Variants in CDH18 observed in about 807,000 individuals in gnomAD.
The protein encoded by CDH18 is cadherin-18.
CDH18 carries 31 observed loss-of-function variants against 67.9 expected under a neutral mutation model. The ratio of observed to expected loss-of-function variants is 0.46; its 90% CI spans 0.34 to 0.62. CDH18 has a LOEUF of 0.62. Among genes scored for constraint, CDH18 ranks in the 20% least tolerant of loss-of-function variants. The pLI, the probability that CDH18 is intolerant of heterozygous loss-of-function variation, is 0.01. For synonymous variants in CDH18, 362 were observed against 347.2 expected (o/e 1.04, Z -0.48); for missense variants, 890 against 975.5 (o/e 0.91, Z 1.17).
intron 1 of CDH18, among the ~76,000 whole-genome samples, chr5:20,369,892 G>A (rs1054076489): frequency 2.0e-5 from 3 of 151,984 alleles, no homozygotes; most frequent in Non-Finnish European, 4.4e-5. Context: ...AAGTTCTGGG[G>A]TACACGTGTA....
intron 2 of CDH18, among the ~76,000 whole-genome samples, chr5:20,204,082 C>G (rs1605665): frequency 2.6e-5 from 4 of 151,856 alleles, no homozygotes; most frequent in African/African-American, 7.3e-5. Flanking sequence ...AAGAAAGAAA[C>G]AAATAATCAT....
chr5:19,680,281 A>G (rs1760102503), intron 5 of CDH18, among the ~76,000 whole-genome samples: 1 of 152,110 alleles, frequency 6.6e-6, no homozygotes, highest in Non-Finnish European at 1.5e-5. Flanking sequence ...TCAACTCAAG[A>G]TGAATTAAAT....
rs145667079 is a variant in CDH18 at position 19,745,385 on chromosome 5, C to T, written c.523+1557G>A. ...TAATGCCTGCTCTGCCTGTTTTTCTCTCTAGTGCTTTAACCCCTGTGGTTA... is the reference window on the plus strand; with the variant it reads ...TAATGCCTGCTCTGCCTGTTTTTCTTTCTAGTGCTTTAACCCCTGTGGTTA... On this transcript the variant is annotated intron_variant, in intron 4 of 12. Coordinates refer to ENST00000382275, the MANE Select transcript of CDH18 (RefSeq NM_004934.5). Among the ~76,000 whole-genome samples the T allele has an allele frequency of 1.4e-3, 213 of 152,268 alleles. 1 individual carries two copies. Among genetic ancestry groups the T allele is most frequent in the African/African-American group, 4.9e-3 (203 of 41,560 alleles).
intron 9 of CDH18, among the ~76,000 whole-genome samples, chr5:19,538,071 A>G (rs547476476): frequency 1.3e-5 from 2 of 152,218 alleles, no homozygotes; most frequent in Non-Finnish European, 2.9e-5. Flanking sequence ...AGTTCCTAAC[A>G]AAGAGTTGGA....
rs556131803 is a variant in CDH18, at chr5:20,475,553, A to G, written c.-580+99909T>C. ...ACTGATTAGCTTTGACATATAGGAAAGCCATTGATTTTGCAGGGTATGTAT... is the reference window on the plus strand; with the variant it reads ...ACTGATTAGCTTTGACATATAGGAAGGCCATTGATTTTGCAGGGTATGTAT... On this transcript the variant is annotated intron_variant, in intron 1 of 14. Transcript: ENST00000507958. 2.2e-4 allele frequency among the ~76,000 whole-genome samples: 34 copies of G among 152,314 alleles called. 1 individual carries two copies. In the South Asian group the frequency reaches 4.8e-3, roughly 21 times the overall value.
intron 2 of CDH18, among the ~76,000 whole-genome samples, chr5:19,902,429 T>C (rs530982998): frequency 6.6e-6 from 1 of 152,240 alleles, no homozygotes; most frequent in South Asian, 2.1e-4. Context: ...CCAGCTGCCC[T>C]TGTGGAAGTG....
intron 2 of CDH18, among the ~76,000 whole-genome samples, chr5:20,014,284 T>C (rs1219038623): frequency 1.3e-5 from 2 of 152,152 alleles, no homozygotes; most frequent in Non-Finnish European, 2.9e-5. Flanking sequence ...AACAGTCTGC[T>C]GGGCAAGAAA....
intron 2 of CDH18, among the ~76,000 whole-genome samples, chr5:19,918,739 T>C (rs1792105209): frequency 6.6e-6 from 1 of 152,136 alleles, no homozygotes; most frequent in Non-Finnish European, 1.5e-5. Flanking sequence ...AGTTGTGATA[T>C]TTTGATATAA....
At chr5:20,146,893 T>G (rs1580345759) in intron 2 of CDH18, among the ~76,000 whole-genome samples, 1 of 152,024 alleles carries the variant, frequency 6.6e-6, no homozygotes, top group African/African-American at 2.4e-5. Flanking sequence ...TTTCTACATC[T>G]TAGGCATTAT....
intron 1 of CDH18, among the ~76,000 whole-genome samples, chr5:20,319,569 A>G (rs897982243): frequency 1.3e-5 from 2 of 152,132 alleles, no homozygotes; most frequent in African/African-American, 4.8e-5. Context: ...TTTGTTTCAG[A>G]TAAATTGCAT....
intron 1 of CDH18, among the ~76,000 whole-genome samples, chr5:20,568,938 G>C (rs559535461): frequency 3.0e-4 from 46 of 152,254 alleles, no homozygotes; most frequent in Non-Finnish European, 6.0e-4. Flanking sequence ...TCCTTAAAGA[G>C]CTTTCTCTCA....
chr5:19,703,383 C>A (rs1763519733), intron 5 of CDH18, among the ~76,000 whole-genome samples: 1 of 152,098 alleles, frequency 6.6e-6, no homozygotes, highest in Non-Finnish European at 1.5e-5. Context: ...ACTTTGGAAC[C>A]TTTTCACAAT....
rs1000449173 is a variant in CDH18 at position 19,546,906 on chromosome 5, A to G, written c.1254-2901T>C. The stretch of plus-strand genomic sequence containing the variant: ...CTGACCATTGTACATTAAATTTTCT[A>G]ATAATAAGTATATGTTAATTGAAAA... On this transcript the variant is annotated intron_variant, in intron 8 of 12. Transcript: ENST00000382275. Among the ~76,000 whole-genome samples the G allele has an allele frequency of 2.6e-5, 4 of 152,198 alleles. No homozygotes were observed. The South Asian group carries it at 8.3e-4, about 31-fold the overall frequency.
chr5:19,724,589 G>A (rs755407301), intron 4 of CDH18, among the ~76,000 whole-genome samples: 52 of 151,500 alleles, frequency 3.4e-4, no homozygotes, highest in South Asian at 1.5e-3. Flanking sequence ...TCAGTAGCTC[G>A]TACCATTTCA....
intron 2 of CDH18, among the ~76,000 whole-genome samples, chr5:20,227,110 C>A (rs867694393): frequency 3.3e-5 from 5 of 152,216 alleles, no homozygotes; most frequent in Admixed American, 2.6e-4. Context: ...CTACCATTGC[C>A]AGTAACATCA....
At chr5:19,961,141 C>T (rs1007396812) in intron 2 of CDH18, among the ~76,000 whole-genome samples, 2 of 139,344 alleles carry the variant, frequency 1.4e-5, no homozygotes, top group Non-Finnish European at 3.1e-5. Flanking sequence ...CTCATTCTGT[C>T]GCCCAGGCTG....
intron 2 of CDH18, among the ~76,000 whole-genome samples, chr5:20,075,091 T>C (rs1743807422): frequency 6.6e-6 from 1 of 152,178 alleles, no homozygotes; most frequent in African/African-American, 2.4e-5. Flanking sequence ...TGCACCTCTT[T>C]AGGCCCGTCT....
intron 2 of CDH18, among the ~76,000 whole-genome samples, chr5:20,203,150 G>A (rs996814588): frequency 3.3e-5 from 5 of 152,116 alleles, no homozygotes; most frequent in Admixed American, 6.6e-5. Context: ...TTCTGTACTG[G>A]GAATAATGTG....
intron 2 of CDH18, among the ~76,000 whole-genome samples, chr5:20,096,060 G>A (rs1580231496): frequency 1.3e-5 from 2 of 152,012 alleles, no homozygotes; most frequent in South Asian, 4.1e-4. Context: ...GAAGCAAAGA[G>A]AGAGATGGAG....
Sources: allele counts gnomAD v4.1 joint callset (sites outside exome capture counted in the v4.1 genomes callset), GRCh38; gene constraint gnomAD v4.1.1; transcripts MANE v1.5; gene names NCBI Gene and HGNC (gene_info 2026-07-23, HGNC 2026-07-21).